CTNND2: variants seen among roughly 807,000 people sequenced by gnomAD.
CTNND2 encodes the protein catenin delta 2, also known as catenin delta-2.
In CTNND2, 22 loss-of-function variants were observed where a neutral mutation model predicts 144.4. The observed-to-expected ratio is 0.15, with a 90% CI of 0.11 to 0.22. The LOEUF (loss-of-function observed/expected upper bound fraction) is 0.22, where lower values mean the gene tolerates loss of function less well. Among genes scored for constraint, CTNND2 ranks in the 10% least tolerant of loss-of-function variants. CTNND2 has a pLI of 1.00. For synonymous variants in CTNND2, 751 were observed against 695.6 expected, an observed-to-expected ratio of 1.08 and a Z score of -1.25; for missense variants, 1,353 against 1,618.8, an observed-to-expected ratio of 0.84 and a Z score of 2.82.
intron 1 of CTNND2, among the ~76,000 whole-genome samples, chr5:11,810,663 G>C (rs926842456): frequency 6.6e-6 from 1 of 152,082 alleles, no homozygotes; most frequent in African/African-American, 2.4e-5. Context: ...CTTATTATAA[G>C]GCATGATTGT....
At chr5:11,050,139 C>G (rs1745681741) in intron 16 of CTNND2, among the ~76,000 whole-genome samples, 1 of 152,186 alleles carries the variant, frequency 6.6e-6, no homozygotes, top group African/African-American at 2.4e-5. Context: ...TCTTCCCTTT[C>G]TACCAATTTC....
chr5:11,151,909 T>C (rs1757787101), intron 12 of CTNND2, among the ~76,000 whole-genome samples: 1 of 152,212 alleles, frequency 6.6e-6, no homozygotes, highest in Non-Finnish European at 1.5e-5. Flanking sequence ...TGGACAATGA[T>C]ACTCCTTTTG....
intron 2 of CTNND2, among the ~76,000 whole-genome samples, chr5:11,672,885 T>G (rs1783976512): frequency 6.6e-6 from 1 of 152,268 alleles, no homozygotes; most frequent in African/African-American, 2.4e-5. Flanking sequence ...TTGCACTTCC[T>G]GGGTGAAGCA....
chr5:11,709,261 G>A (rs1294145307), intron 2 of CTNND2, among the ~76,000 whole-genome samples: 1 of 152,134 alleles, frequency 6.6e-6, no homozygotes, highest in Non-Finnish European at 1.5e-5. Context: ...TCGGCTAATG[G>A]GCAGTATCTG....
chr5:10,999,519 G>C lies in CTNND2; in HGVS notation c.3085-6842C>G, dbSNP rs187474529. On this transcript the variant is annotated intron_variant, in intron 18 of 21. Coordinates refer to ENST00000304623, the MANE Select transcript of CTNND2 (RefSeq NM_001332.4). ...GTGAAGAATCACCACGGTAACCGGG[G>C]AAGGGCCATGAATCCTTCCTATTGA... 7.2e-5 allele frequency among the ~76,000 whole-genome samples: 11 copies of C among 152,298 alleles called. No homozygotes were observed. In the East Asian group the frequency reaches 1.3e-3, roughly 19 times the overall value.
intron 1 of CTNND2, among the ~76,000 whole-genome samples, chr5:11,737,120 T>C (rs1340400719): frequency 6.6e-6 from 1 of 152,192 alleles, no homozygotes; most frequent in African/African-American, 2.4e-5. Flanking sequence ...AAGGAATCTG[T>C]GTATTTTTCG....
At chr5:11,282,870 C>T (rs1408706108) in intron 9 of CTNND2, among the ~76,000 whole-genome samples, 2 of 152,288 alleles carry the variant, frequency 1.3e-5, no homozygotes, top group South Asian at 2.1e-4. Flanking sequence ...ATTGTACCAT[C>T]GCATACTGAT....
chr5:11,809,455 T>C (rs1470263003), intron 1 of CTNND2, among the ~76,000 whole-genome samples: 3 of 152,204 alleles, frequency 2.0e-5, no homozygotes, highest in African/African-American at 4.8e-5. Flanking sequence ...TTCATAATTT[T>C]ATTACCTAAC....
rs144226336 is a variant in CTNND2 at position 11,788,570 on chromosome 5, G to A, written c.38-56298C>T. ...CCTTATATATGAAATTCTCACATAC[G>A]TAGAAGTCTATTTCTAGTTATATCA... On this transcript the variant is annotated intron_variant, in intron 1 of 21. Coordinates refer to ENST00000304623, the MANE Select transcript of CTNND2 (RefSeq NM_001332.4). Among the ~76,000 whole-genome samples the A allele has an allele frequency of 5.4e-3, 815 of 152,226 alleles. 13 individuals carry two copies. The highest frequency in any genetic ancestry group is 0.019 in the African/African-American group (784 of 41,534).
intron 18 of CTNND2, among the ~76,000 whole-genome samples, chr5:11,012,180 A>G (rs564072617): frequency 2.0e-5 from 3 of 152,300 alleles, no homozygotes; most frequent in Admixed American, 6.5e-5. Context: ...TTGAGACATC[A>G]GCAATCCACT....
chr5:11,156,483 G>C (rs1457982959), intron 12 of CTNND2, among the ~76,000 whole-genome samples: 1 of 152,162 alleles, frequency 6.6e-6, no homozygotes, highest in Non-Finnish European at 1.5e-5. Context: ...TTAGGAAATA[G>C]TATTCTAGGA....
chr5:11,078,679 A>C (rs1287660839), intron 16 of CTNND2, among the ~76,000 whole-genome samples: 1 of 152,214 alleles, frequency 6.6e-6, no homozygotes, highest in Non-Finnish European at 1.5e-5. Context: ...CAGGCAGTAG[A>C]CTGATTAGCT....
chr5:11,306,189 G>A (rs1478678717), intron 9 of CTNND2, among the ~76,000 whole-genome samples: 2 of 152,230 alleles, frequency 1.3e-5, no homozygotes, highest in African/African-American at 4.8e-5. Context: ...AGCCAGTTAG[G>A]AGGCTCTGAC....
In CTNND2 at chr5:11,903,919, G is replaced by GGCAAGGTCA. The variant is rs1297435736; in HGVS notation, c.-67_-66insTGACCTTGC. 2 of 1,390,132 alleles carry GGCAAGGTCA rather than the reference G, an allele frequency of 1.4e-6. No individual in the cohort carries two copies. The highest frequency in any genetic ancestry group is 6.2e-5 in the East Asian group (2 of 32,174). The allele number at this position is 1,390,132 out of a possible 1,614,324, so 86.1% of individuals were successfully genotyped here. A position where few individuals can be genotyped will look rare whatever the true frequency, so the allele number is the denominator to read the frequency against. On this transcript the variant is annotated 5_prime_UTR_variant, in exon 1 of 22. Transcript: ENST00000304623. The surrounding 1 kb of genome is among the most constrained non-coding windows in gnomAD (Gnocchi z 5.4). Reference sequence around the variant, plus strand: ...CGTGCGCGGCGCCGCCCGGCTTCAGGGCAAGGTCCTGACCTTGCCCAACTG... The same window carrying GGCAAGGTCA: ...CGTGCGCGGCGCCGCCCGGCTTCAGGGCAAGGTCAGCAAGGTCCTGACCTTGCCCAACTG...
chr5:11,186,557 G>A (rs1020863205), intron 11 of CTNND2, among the ~76,000 whole-genome samples: 1 of 152,142 alleles, frequency 6.6e-6, no homozygotes, highest in East Asian at 1.9e-4. Flanking sequence ...TACCATTAGC[G>A]TCAAATTATT....
intron 3 of CTNND2, among the ~76,000 whole-genome samples, chr5:11,437,984 T>C (rs1233159174): frequency 6.6e-6 from 1 of 152,178 alleles, no homozygotes; most frequent in Non-Finnish European, 1.5e-5. Context: ...GGCTGTTATG[T>C]GTTATCTTAA....
chr5:11,874,465 C>T (rs1318764210), intron 1 of CTNND2, among the ~76,000 whole-genome samples: 4 of 152,104 alleles, frequency 2.6e-5, no homozygotes, highest in African/African-American at 9.7e-5. Context: ...GATATACCAG[C>T]ATCGCTACTC....
At chr5:11,633,383 A>T (rs10036815) in intron 2 of CTNND2, among the ~76,000 whole-genome samples, 55,334 of 152,092 alleles carry the variant, frequency 0.36, 11,023 homozygotes, top group Middle Eastern at 0.63. Flanking sequence ...CGGAGCCCCA[A>T]ATTAGATGAA....
At chr5:11,154,162 C>T (rs1479729982) in intron 12 of CTNND2, among the ~76,000 whole-genome samples, 2 of 152,226 alleles carry the variant, frequency 1.3e-5, no homozygotes, top group Non-Finnish European at 2.9e-5. Flanking sequence ...TATGGTGTCA[C>T]ATCCCCTGCG....
Sources: allele counts gnomAD v4.1 joint callset (sites outside exome capture counted in the v4.1 genomes callset), GRCh38; gene constraint gnomAD v4.1.1; non-coding constraint Gnocchi (gnomAD v3.1); transcripts MANE v1.5; gene names NCBI Gene and HGNC (gene_info 2026-07-23, HGNC 2026-07-21).